WSCD2: variants seen among roughly 807,000 people sequenced by gnomAD.
WSCD2 encodes WSC domain sialate O sulfotransferase 2.
WSCD2 carries 28 observed loss-of-function variants against 55.7 expected under a neutral mutation model. The observed-to-expected ratio is 0.50, with a 90% CI of 0.37 to 0.69. The LOEUF is 0.69. Ranked by LOEUF, WSCD2 falls within the 30% of genes least tolerant of loss-of-function variation. The probability of loss-of-function intolerance (pLI) is 0.00; values close to 1 mark genes in which losing one functional copy is unlikely to be tolerated. For missense variants in WSCD2, 616 were observed against 762.1 expected (o/e 0.81, Z 2.26); for synonymous variants, 301 against 301.9 (o/e 1.00, Z 0.03).
chr12:108,220,712 T>C (rs2137144855), intron 4 of WSCD2, among the ~76,000 whole-genome samples: 1 of 152,100 alleles, frequency 6.6e-6, no homozygotes, highest in South Asian at 2.1e-4. Flanking sequence ...AATATATATA[T>C]ATATTTGTAG....
chr12:108,238,039 T>C (rs1345285335), intron 7 of WSCD2, among the ~76,000 whole-genome samples: 1 of 152,214 alleles, frequency 6.6e-6, no homozygotes, highest in Non-Finnish European at 1.5e-5. Context: ...AAAGATAAAA[T>C]GAAACCATGG....
intron 1 of WSCD2, among the ~76,000 whole-genome samples, chr12:108,165,984 A>AT (rs1204116394): frequency 2.0e-5 from 3 of 152,182 alleles, no homozygotes; most frequent in East Asian, 1.9e-4. Flanking sequence ...CCAAACTGAG[A>AT]TTTTTTATTG....
At chr12:108,136,745 C>T (rs73197643) in intron 1 of WSCD2, among the ~76,000 whole-genome samples, 7,424 of 150,656 alleles carry the variant, frequency 0.049, 246 homozygotes, top group Non-Finnish European at 0.076. Flanking sequence ...CTACTCCTCC[C>T]GCTGCCTCCC....
intron 1 of WSCD2, chr12:108,167,373 G>T (rs1297823603): frequency 1.3e-5 from 2 of 152,070 alleles, no homozygotes; most frequent in Non-Finnish European, 2.9e-5. Context: ...CTTTGTTTCA[G>T]AAAGAACCTC....
At chr12:108,158,578 A>G (rs1272060423) in intron 1 of WSCD2, among the ~76,000 whole-genome samples, 1 of 152,046 alleles carries the variant, frequency 6.6e-6, no homozygotes, top group Non-Finnish European at 1.5e-5. Flanking sequence ...GATCTCAGGT[A>G]AGTTGCTTTG....
At chr12:108,197,488 G>C (rs1487991222) in intron 2 of WSCD2, among the ~76,000 whole-genome samples, 1 of 152,150 alleles carries the variant, frequency 6.6e-6, no homozygotes, top group African/African-American at 2.4e-5. Context: ...CAGCCATGTG[G>C]CCCAGGCAAA....
chr12:108,230,074 GT>G (rs1038906209), intron 6 of WSCD2, among the ~76,000 whole-genome samples: 3 of 152,144 alleles, frequency 2.0e-5, no homozygotes, highest in Non-Finnish European at 4.4e-5. Context: ...ACTTCAGGAT[GT>G]TGTCATTGGT....
Position 108,210,392 on chromosome 12 carries a change from AC to A in WSCD2, c.682+90del. The A allele has an allele frequency of 6.8e-7, 1 of 1,467,596 alleles. No homozygotes were observed. Among genetic ancestry groups the A allele is most frequent in the Middle Eastern group, 2.4e-4 (1 of 4,120 alleles). 90.9% of individuals were successfully genotyped at this position (1,467,596 alleles called of 1,614,324 possible). On this transcript the variant is annotated intron_variant, in intron 4 of 8. Coordinates refer to ENST00000547525, the MANE Select transcript of WSCD2 (RefSeq NM_014653.4). This position sits in a 1 kb window ranked among gnomAD's most constrained non-coding sequence, Gnocchi z 4.3. ...AAAGAGTCCCACATGTCTGCCCTGT[AC>A]CCTCCATGGCTCCCCATCACTCCAA...
rs1285325924 is a variant in WSCD2, at chr12:108,248,253, G to A, written c.1608G>A (p.Gln536=). The change falls in exon 9 of 9, where the codon CAG becomes CAA. Residue 536 remains glutamine (Q), a synonymous_variant. Transcript: ENST00000547525. The surrounding 1 kb of genome is among the most constrained non-coding windows in gnomAD (Gnocchi z 4.3). ...ATGACCCCTATACTGCGGACATGCA[G>A]AAGACCATCTCTGCCTACATCAAGA... is the stretch of plus-strand genomic sequence containing the variant. The part of the protein sequence containing the change: ...LEYDPYTADM[Q]KTISAYIKMV... 6.2e-7 allele frequency: 1 copy of A among 1,614,246 alleles called. No homozygotes were observed. Among genetic ancestry groups the A allele is most frequent in the Admixed American group, 1.7e-5 (1 of 60,028 alleles).
chr12:108,226,762 G>A (rs749900051), intron 5 of WSCD2, among the ~76,000 whole-genome samples: 21 of 152,222 alleles, frequency 1.4e-4, no homozygotes, highest in Non-Finnish European at 2.6e-4. Context: ...GTTTCAAAAA[G>A]TGAATCGACT....
At position 108,248,620 on chromosome 12, in the gene WSCD2, G is replaced by A. The variant is rs1890254325; in HGVS notation, c.*277G>A. On this transcript the variant is annotated 3_prime_UTR_variant, in exon 9 of 9. Transcript: ENST00000547525. The surrounding 1 kb of genome is among the most constrained non-coding windows in gnomAD (Gnocchi z 4.3). ...ACATGGACTCTTTTCTGTCTCCTGG[G>A]TCCCTGCCCCCACCACTCTGGGTTC... 8.4e-7 allele frequency: 1 copy of A among 1,197,064 alleles called. No homozygotes were observed. The highest frequency in any genetic ancestry group is 1.0e-6 in the Non-Finnish European group (1 of 959,490). The allele number at this position is 1,197,064 out of a possible 1,614,324, so 74.2% of individuals were successfully genotyped here. A position where few individuals can be genotyped will look rare whatever the true frequency, so the allele number is the denominator to read the frequency against.
chr12:108,215,840 C>T (rs1438707104), intron 4 of WSCD2, among the ~76,000 whole-genome samples: 1 of 152,208 alleles, frequency 6.6e-6, no homozygotes, highest in Non-Finnish European at 1.5e-5. Flanking sequence ...ACTTCAGAGA[C>T]ACTTGCAGCT....
At chr12:108,208,341 G>A (rs1885690319) in intron 3 of WSCD2, among the ~76,000 whole-genome samples, 1 of 152,198 alleles carries the variant, frequency 6.6e-6, no homozygotes, top group African/African-American at 2.4e-5. Flanking sequence ...CTATGAGGCA[G>A]GAATGCTATG....
chr12:108,223,767 G>A (rs1469606953), intron 4 of WSCD2, among the ~76,000 whole-genome samples: 1 of 152,146 alleles, frequency 6.6e-6, no homozygotes, highest in African/African-American at 2.4e-5. Flanking sequence ...GCCCCAGCCT[G>A]GGGGACAGCC....
intron 4 of WSCD2, among the ~76,000 whole-genome samples, chr12:108,211,250 G>A (rs144588259): frequency 3.2e-3 from 492 of 152,304 alleles, no homozygotes; most frequent in African/African-American, 0.011. Flanking sequence ...CTTTCTGGGG[G>A]TTACCCCTCC....
intron 1 of WSCD2, among the ~76,000 whole-genome samples, chr12:108,160,104 G>A (rs1271605697): frequency 6.6e-6 from 1 of 152,218 alleles, no homozygotes; most frequent in African/African-American, 2.4e-5. Context: ...GGCCTTTAGA[G>A]GCTGCCAAGG....
intron 1 of WSCD2, among the ~76,000 whole-genome samples, chr12:108,173,461 G>A (rs1390022315): frequency 6.6e-6 from 1 of 152,126 alleles, no homozygotes; most frequent in Non-Finnish European, 1.5e-5. Context: ...AAGCTTCTAT[G>A]GCTGATGGCC....
intron 1 of WSCD2, among the ~76,000 whole-genome samples, chr12:108,155,493 C>T (rs1475062646): frequency 6.6e-6 from 1 of 152,146 alleles, no homozygotes; most frequent in African/African-American, 2.4e-5. Flanking sequence ...CAGTATGATT[C>T]TTGTGATAGT....
At chr12:108,152,179 G>C (rs1175085220) in intron 1 of WSCD2, among the ~76,000 whole-genome samples, 5 of 152,234 alleles carry the variant, frequency 3.3e-5, no homozygotes, top group African/African-American at 9.6e-5. Context: ...TGCCCATTCT[G>C]AGTGTGCTGC....
Sources: allele counts gnomAD v4.1 joint callset (sites outside exome capture counted in the v4.1 genomes callset), GRCh38; gene constraint gnomAD v4.1.1; non-coding constraint Gnocchi (gnomAD v3.1); transcripts MANE v1.5; gene names NCBI Gene and HGNC (gene_info 2026-07-23, HGNC 2026-07-21).